The following SCN11A variants were observed in gnomAD, a reference collection of about 807,000 sequenced individuals.
The protein encoded by SCN11A is sodium channel protein type 11 subunit alpha.
In SCN11A, 122 loss-of-function variants were observed where a neutral mutation model predicts 162.2. The observed-to-expected ratio is 0.75, with a 90% confidence interval of 0.65 to 0.87. The LOEUF (loss-of-function observed/expected upper bound fraction) is 0.87. Among genes scored for constraint, SCN11A ranks in the 40% least tolerant of loss-of-function variants. The pLI, the probability that SCN11A is intolerant of heterozygous loss-of-function variation, is 0.00. For synonymous variants in SCN11A, 758 were observed against 751.5 expected, an observed-to-expected ratio of 1.01 and a Z score of -0.14; for missense variants, 2,015 against 2,181.6, an observed-to-expected ratio of 0.92 and a Z score of 1.52.
At chr3:38,902,369 A>C (rs755954497) in intron 16 of SCN11A, among the ~76,000 whole-genome samples, 5 of 152,198 alleles carry the variant, frequency 3.3e-5, no homozygotes, top group African/African-American at 4.8e-5. Context: ...TTATTCCCAA[A>C]GGCAGCATGG....
intron 5 of SCN11A, 86 bp downstream of exon 5, chr3:38,950,010 G>A (rs749188861): frequency 3.5e-4 from 275 of 793,320 alleles, no homozygotes; most frequent in Admixed American, 5.9e-4. Context: ...CCCTAAGAGT[G>A]GTGTTTGGAG....
intron 7 of SCN11A, among the ~76,000 whole-genome samples, chr3:38,938,668 G>A (rs771798933): frequency 2.8e-5 from 4 of 144,304 alleles, no homozygotes; most frequent in African/African-American, 7.6e-5. Context: ...AGGTTCAAGC[G>A]ATTCTCCTGC....
At chr3:39,017,144 C>T (rs1177242422) in intron 2 of SCN11A, among the ~76,000 whole-genome samples, 2 of 152,114 alleles carry the variant, frequency 1.3e-5, no homozygotes, top group Non-Finnish European at 2.9e-5. Flanking sequence ...TAAAAATACA[C>T]AAGAGAGCTT....
At chr3:38,902,693 A>G (rs1304980527) in intron 16 of SCN11A, among the ~76,000 whole-genome samples, 2 of 151,902 alleles carry the variant, frequency 1.3e-5, no homozygotes, top group Non-Finnish European at 2.9e-5. Context: ...AAATTTTTGT[A>G]TTTTTAGTAG....
In SCN11A at chr3:38,938,856, C is replaced by T. The variant is rs967462898; in HGVS notation, c.488+6555G>A. On this transcript the variant is annotated intron_variant, in intron 7 of 29. Transcript: ENST00000302328. Reference sequence around the variant, plus strand: ...TGGGATTACAGGCGGTGAGCCACGGCGCCCGGCCAAAAATATTATATTTTT... The same window carrying T: ...TGGGATTACAGGCGGTGAGCCACGGTGCCCGGCCAAAAATATTATATTTTT... Among the ~76,000 whole-genome samples the T allele has an allele frequency of 5.9e-4, 89 of 151,652 alleles. 1 individual carries two copies. Among genetic ancestry groups the T allele is most frequent in the African/African-American group, 2.1e-3 (87 of 41,452 alleles).
chr3:38,943,381 C>G (rs2066469593), intron 7 of SCN11A, among the ~76,000 whole-genome samples: 1 of 151,978 alleles, frequency 6.6e-6, no homozygotes, highest in Admixed American at 6.6e-5. Context: ...TTGAAATGGT[C>G]TATATATCGA....
intron 2 of SCN11A, among the ~76,000 whole-genome samples, chr3:39,031,789 G>A (rs750517727): frequency 1.7e-4 from 26 of 152,136 alleles, no homozygotes; most frequent in Non-Finnish European, 2.9e-4. Flanking sequence ...AAGAAATTAT[G>A]CGGCTTCTTA....
chr3:38,874,423 C>A (rs567531014), intron 23 of SCN11A, among the ~76,000 whole-genome samples: 46 of 152,080 alleles, frequency 3.0e-4, no homozygotes, highest in Non-Finnish European at 6.3e-4. Context: ...CATGGTAAAA[C>A]CCTGTCTCCA....
chr3:39,002,041 A>G (rs2030831906), intron 2 of SCN11A, among the ~76,000 whole-genome samples: 1 of 152,128 alleles, frequency 6.6e-6, no homozygotes, highest in Non-Finnish European at 1.5e-5. Flanking sequence ...CGTCTCAAAA[A>G]AAAAACAAAA....
chr3:39,034,767 G>A (rs997698674), intron 1 of SCN11A, among the ~76,000 whole-genome samples: 2 of 152,114 alleles, frequency 1.3e-5, no homozygotes, highest in African/African-American at 4.8e-5. Flanking sequence ...AGAGTTGCAG[G>A]ATATAAAAAT....
At chr3:38,957,432 C>T (rs965081841) in intron 3 of SCN11A, among the ~76,000 whole-genome samples, 1 of 152,132 alleles carries the variant, frequency 6.6e-6, no homozygotes, top group Admixed American at 6.5e-5. Flanking sequence ...GACAAGATAT[C>T]AAGCACGACA....
In SCN11A at chr3:38,969,127, AAGGCAGGCAGGC is replaced by A. The variant is rs367963828; in HGVS notation, c.-279-8716_-279-8705del. Among the ~76,000 whole-genome samples, 6 of 151,818 alleles carry A rather than the reference AAGGCAGGCAGGC, an allele frequency of 4.0e-5. No homozygotes were observed. In the East Asian group the frequency reaches 7.7e-4, roughly 20 times the overall value. ...GGTTGGAGGGAGGAAGGGAAGGAACAAGGCAGGCAGGCAGGCAGGCAGGCAGGCATGCTGCCA... is the reference window on the plus strand; with the variant it reads ...GGTTGGAGGGAGGAAGGGAAGGAACAAGGCAGGCAGGCAGGCATGCTGCCA... On this transcript the variant is annotated intron_variant, in intron 2 of 29. Coordinates refer to ENST00000302328, the MANE Select transcript of SCN11A (RefSeq NM_001349253.2).
At chr3:38,951,776 G>A (rs1474191684) in intron 4 of SCN11A, among the ~76,000 whole-genome samples, 2 of 152,090 alleles carry the variant, frequency 1.3e-5, no homozygotes, top group Non-Finnish European at 2.9e-5. Flanking sequence ...TCTATACTCT[G>A]TATCTAACTA....
At chr3:38,987,303 TCACACA>T (rs57092499) in intron 2 of SCN11A, among the ~76,000 whole-genome samples, 14,025 of 104,162 alleles carry the variant, frequency 0.13, 871 homozygotes, top group Admixed American at 0.16. Context: ...TCTCTCTCTC[TCACACA>T]CACACACACA....
intron 2 of SCN11A, among the ~76,000 whole-genome samples, chr3:38,995,807 A>ATCTATTTATCTG (rs2030611743): frequency 1.4e-5 from 2 of 145,502 alleles, no homozygotes; most frequent in African/African-American, 5.5e-5. Context: ...TTGTCTATCT[A>ATCTATTTATCTG]TCTATCTATC....
At chr3:38,954,188 T>C (rs954486247) in intron 3 of SCN11A, among the ~76,000 whole-genome samples, 11 of 152,206 alleles carry the variant, frequency 7.2e-5, no homozygotes, top group Admixed American at 1.3e-4. Context: ...GTCTGGATGA[T>C]GGAATTCCCC....
In SCN11A at chr3:38,905,157, G is replaced by T. The variant is rs758732925; in HGVS notation, c.1603+35C>A. ...AGAAGAATGGAAGGACATCACTGAA[G>T]TAGACTTTCCCTTGGATTGGGATGT... On this transcript the variant is annotated intron_variant, in intron 15 of 29. Coordinates refer to ENST00000302328, the MANE Select transcript of SCN11A (RefSeq NM_001349253.2). 6.8e-6 allele frequency: 11 copies of T among 1,613,322 alleles called. No individual in the cohort carries two copies. In the African/African-American group the frequency reaches 8.0e-5, roughly 12 times the overall value.
intron 2 of SCN11A, among the ~76,000 whole-genome samples, chr3:38,991,714 T>C (rs1035608845): frequency 6.6e-6 from 1 of 152,234 alleles, no homozygotes; most frequent in Admixed American, 6.5e-5. Context: ...CTGTTGTTTT[T>C]CTTATAACTG....
chr3:39,002,488 G>A (rs997381699), intron 2 of SCN11A, among the ~76,000 whole-genome samples: 1 of 152,194 alleles, frequency 6.6e-6, no homozygotes, highest in Non-Finnish European at 1.5e-5. Flanking sequence ...TCTAAGAAGG[G>A]ATTTGTATTT....
Sources: gnomAD v4.1 joint callset for allele counts (sites outside exome capture counted in the v4.1 genomes callset) on GRCh38, gnomAD v4.1.1 for gene constraint, MANE v1.5 for transcripts, NCBI Gene and HGNC (gene_info 2026-07-23, HGNC 2026-07-21) for gene names.